Variants in CD163L1 observed in about 807,000 individuals in gnomAD.
The protein encoded by CD163L1 is scavenger receptor cysteine-rich type 1 protein M160.
Under a neutral mutation model 165.4 loss-of-function variants are expected in CD163L1, and 124 were observed. The observed-to-expected ratio is 0.75, with a 90% CI of 0.65 to 0.87. The LOEUF (loss-of-function observed/expected upper bound fraction) is 0.87, where lower values mean the gene tolerates loss of function less well. CD163L1 is among the 40% of genes least tolerant of loss of function. CD163L1 has a pLI of 0.00. For missense variants in CD163L1, 1,525 were observed against 1,799.9 expected (o/e 0.85, Z 2.76); for synonymous variants, 585 against 662.2 (o/e 0.88, Z 1.79).
intron 6 of CD163L1, among the ~76,000 whole-genome samples, chr12:7,402,610 T>G (rs1947936911): frequency 1.3e-5 from 2 of 151,528 alleles, no homozygotes; most frequent in African/African-American, 4.9e-5. Context: ...CAGAGAATAA[T>G]GCTGTCTCGA....
At chr12:7,399,260 CCTCT>C (rs987605027) in intron 6 of CD163L1, among the ~76,000 whole-genome samples, 24 of 148,270 alleles carry the variant, frequency 1.6e-4, no homozygotes, top group African/African-American at 5.5e-4. Context: ...TCTCTTCTTT[CCTCT>C]CTTTCTTCCT....
intron 8 of CD163L1, among the ~76,000 whole-genome samples, chr12:7,389,948 A>ATATATATATATT (rs1463333525): frequency 8.3e-4 from 106 of 127,004 alleles, no homozygotes; most frequent in African/African-American, 3.5e-3. Context: ...TAAACATTTT[A>ATATATATATATT]TATATATATA....
At position 7,421,510 on chromosome 12, in the gene CD163L1, T is replaced by C. The variant is rs760542913; in HGVS notation, c.766+10906A>G. ...ATATATACATATATGTACATATACA[T>C]ATACATATATGTACATATATACATA... On this transcript the variant is annotated intron_variant, in intron 4 of 19. Transcript: ENST00000313599. Among the ~76,000 whole-genome samples, 11 of 127,308 alleles carry C rather than the reference T, an allele frequency of 8.6e-5. 2 individuals carry two copies. In the East Asian group the frequency reaches 1.1e-3, roughly 13 times the overall value. 83.5% of individuals were successfully genotyped at this position (127,308 alleles called of 152,430 possible).
chr12:7,374,343 C>T lies in CD163L1; in HGVS notation c.3409+99G>A. 7.7e-7 allele frequency: 1 copy of T among 1,296,610 alleles called. No individual in the cohort carries two copies. Among genetic ancestry groups the T allele is most frequent in the Admixed American group, 2.3e-5 (1 of 44,100 alleles). 80.3% of individuals were successfully genotyped at this position (1,296,610 alleles called of 1,614,324 possible). A position where few individuals can be genotyped will look rare whatever the true frequency, so the allele number is the denominator to read the frequency against. ...CCAAGTGGATTTTTTGTTTGTATTC[C>T]TAGGCCATACACTTTTCACTACACT... On this transcript the variant is annotated intron_variant, in intron 13 of 19. Coordinates refer to ENST00000313599, the MANE Select transcript of CD163L1 (RefSeq NM_174941.6). The surrounding 1 kb of genome is among the most constrained non-coding windows in gnomAD (Gnocchi z 5.4).
At chr12:7,359,880 T>G (rs1281546003) in intron 18 of CD163L1, among the ~76,000 whole-genome samples, 2 of 152,148 alleles carry the variant, frequency 1.3e-5, no homozygotes, top group Non-Finnish European at 2.9e-5. Context: ...TCTGTATTCA[T>G]TTTAATTGTT....
chr12:7,406,464 C>A (rs1263007820), intron 5 of CD163L1, 68 bp downstream of exon 5: 2 of 1,473,046 alleles, frequency 1.4e-6, no homozygotes, highest in East Asian at 4.5e-5. Context: ...GTAACTTTTT[C>A]AGGGTTTGGT....
intron 6 of CD163L1, among the ~76,000 whole-genome samples, chr12:7,401,727 A>G (rs1947919165): frequency 6.6e-6 from 1 of 152,154 alleles, no homozygotes; most frequent in Non-Finnish European, 1.5e-5. Context: ...GGGTACACAC[A>G]TACACACACA....
In CD163L1 at chr12:7,398,164, A is replaced by G. The variant is rs954204904; in HGVS notation, c.1729+100T>C. 1.4e-5 allele frequency: 14 copies of G among 1,035,490 alleles called. No homozygotes were observed. Among genetic ancestry groups the G allele is most frequent in the African/African-American group, 1.6e-5 (1 of 62,136 alleles). 64.1% of individuals were successfully genotyped at this position (1,035,490 alleles called of 1,614,324 possible). On this transcript the variant is annotated intron_variant, in intron 7 of 19. Coordinates refer to ENST00000313599, the MANE Select transcript of CD163L1 (RefSeq NM_174941.6). The surrounding 1 kb of genome is among the most constrained non-coding windows in gnomAD (Gnocchi z 4.5). ...TAAAGACAAGAGTCATGGCCCCTCA[A>G]TCAATTCCCACATGTAAGCCAGTTT...
At chr12:7,415,262 C>T (rs951874972) in intron 4 of CD163L1, among the ~76,000 whole-genome samples, 3 of 151,884 alleles carry the variant, frequency 2.0e-5, no homozygotes, top group Admixed American at 6.6e-5. Flanking sequence ...AGTTATAACT[C>T]TAATATGCGT....
intron 4 of CD163L1, among the ~76,000 whole-genome samples, chr12:7,428,494 G>T (rs1046937300): frequency 2.6e-5 from 4 of 151,942 alleles, no homozygotes; most frequent in Non-Finnish European, 5.9e-5. Flanking sequence ...TCACCTCTTT[G>T]TCACTTATCA....
At chr12:7,389,962 A>ATATATATATATTTATT (rs1421141991) in intron 8 of CD163L1, among the ~76,000 whole-genome samples, 6 of 140,632 alleles carry the variant, frequency 4.3e-5, no homozygotes, top group African/African-American at 1.6e-4. Context: ...ATATATATTT[A>ATATATATATATTTATT]TATATATATA....
Position 7,369,774 on chromosome 12 carries a change from G to A in CD163L1, c.3731-109C>T. On this transcript the variant is annotated intron_variant, in intron 14 of 19. Coordinates refer to ENST00000313599, the MANE Select transcript of CD163L1 (RefSeq NM_174941.6). This position sits in a 1 kb window ranked among gnomAD's most constrained non-coding sequence, Gnocchi z 4.9. ...AATGTGCTTGATGAATATGGGTGTGGTAAGGAAGGCAGAATTTCAATGTTA... is the reference window on the plus strand; with the variant it reads ...AATGTGCTTGATGAATATGGGTGTGATAAGGAAGGCAGAATTTCAATGTTA... 2.2e-6 allele frequency: 2 copies of A among 920,800 alleles called. No individual in the cohort carries two copies. Among genetic ancestry groups the A allele is most frequent in the South Asian group, 3.2e-5 (2 of 62,014 alleles). The allele number at this position is 920,800 out of a possible 1,614,324, so 57.0% of individuals were successfully genotyped here.
At chr12:7,343,095 AAG>A (rs1265941930), downstream of CD163L1, among the ~76,000 whole-genome samples, 1 of 152,124 alleles carries the variant, frequency 6.6e-6, no homozygotes, top group Admixed American at 6.6e-5. Context: ...GGGATGGGGA[AAG>A]AGAGAGGTGG....
chr12:7,388,888 A>G (rs1947582406), intron 8 of CD163L1, among the ~76,000 whole-genome samples: 2 of 152,212 alleles, frequency 1.3e-5, no homozygotes, highest in Non-Finnish European at 2.9e-5. Context: ...AAAGGAAAGG[A>G]AATCAGTACA....
chr12:7,421,277 G>A (rs1591953353), intron 4 of CD163L1, among the ~76,000 whole-genome samples: 1 of 111,194 alleles, frequency 9.0e-6, no homozygotes, highest in Non-Finnish European at 1.7e-5. Context: ...CCAAATGTGT[G>A]TATATATATA....
At chr12:7,322,213 T>C in the CD163L1 span, among the ~76,000 whole-genome samples, 1 of 152,170 alleles carries the variant, frequency 6.6e-6, no homozygotes, top group Admixed American at 6.5e-5. Context: ...CTGTCAGGAA[T>C]TTTCGTTATA....
intron 8 of CD163L1, among the ~76,000 whole-genome samples, chr12:7,389,960 T>TTTTA (rs112087077): frequency 1.4e-4 from 19 of 135,940 alleles, no homozygotes; most frequent in African/African-American, 4.5e-4. Flanking sequence ...ATATATATAT[T>TTTTA]TATATATATA....
At chr12:7,334,326 C>T in the CD163L1 span, among the ~76,000 whole-genome samples, 1 of 152,164 alleles carries the variant, frequency 6.6e-6, no homozygotes, top group Non-Finnish European at 1.5e-5. Context: ...GGATGCAAGG[C>T]TGGTTCAACA....
chr12:7,415,565 A>T (rs925002739), intron 4 of CD163L1, among the ~76,000 whole-genome samples: 2 of 151,986 alleles, frequency 1.3e-5, no homozygotes, highest in African/African-American at 4.8e-5. Context: ...TTCTAATGCT[A>T]TCACTCCCCT....
Sources: allele counts gnomAD v4.1 joint callset (sites outside exome capture counted in the v4.1 genomes callset), GRCh38; gene constraint gnomAD v4.1.1; non-coding constraint Gnocchi (gnomAD v3.1); transcripts MANE v1.5; gene names NCBI Gene and HGNC (gene_info 2026-07-23, HGNC 2026-07-21).